Variants in ACSS3 observed in about 807,000 individuals in gnomAD.
The protein encoded by ACSS3 is acyl-CoA synthetase short-chain family member 3, mitochondrial.
A neutral mutation model predicts 84.2 loss-of-function variants in ACSS3; 64 were observed. The observed-to-expected ratio is 0.76, with a 90% CI of 0.62 to 0.94. ACSS3 has a LOEUF of 0.94. ACSS3 is among the 40% of genes least tolerant of loss of function. The probability of loss-of-function intolerance (pLI) is 0.00; values close to 1 mark genes in which losing one functional copy is unlikely to be tolerated. For synonymous variants in ACSS3, 317 were observed against 310.1 expected (o/e 1.02, Z -0.23); for missense variants, 815 against 867.6 (o/e 0.94, Z 0.76).
intron 7 of ACSS3, among the ~76,000 whole-genome samples, chr12:81,168,205 A>G (rs1887492350): frequency 1.3e-5 from 2 of 152,204 alleles, no homozygotes; most frequent in African/African-American, 4.8e-5. Context: ...TATCTTGTGG[A>G]ACAGAAAATG....
intron 1 of ACSS3, 94 bp downstream of exon 1, chr12:81,078,525 C>A: frequency 7.1e-7 from 1 of 1,400,696 alleles, no homozygotes; most frequent in Non-Finnish European, 9.8e-7. Context: ...CATTCTATCA[C>A]GAAAGAAAAT....
At chr12:81,243,714 C>A (rs933022936) in intron 13 of ACSS3, among the ~76,000 whole-genome samples, 44 of 152,260 alleles carry the variant, frequency 2.9e-4, no homozygotes, top group African/African-American at 1.1e-3. Context: ...CACATATCTA[C>A]AACTATCTGA....
intron 1 of ACSS3, among the ~76,000 whole-genome samples, chr12:81,101,052 T>C (rs1018286838): frequency 6.6e-6 from 1 of 152,226 alleles, no homozygotes; most frequent in Non-Finnish European, 1.5e-5. Flanking sequence ...CCAGTTATTA[T>C]TGACTTTTTA....
chr12:81,189,908 T>G (rs2031478797), intron 8 of ACSS3, among the ~76,000 whole-genome samples: 1 of 152,114 alleles, frequency 6.6e-6, no homozygotes, highest in Non-Finnish European at 1.5e-5. Context: ...ATCCATTTGA[T>G]CAATTTCGAT....
chr12:81,242,736 A>T, intron 13 of ACSS3, among the ~76,000 whole-genome samples: 1 of 136,360 alleles, frequency 7.3e-6, no homozygotes, highest in Non-Finnish European at 1.7e-5. Context: ...TCCAGCATAT[A>T]AACAGAACCA....
chr12:81,248,492 C>T (rs2034052984), intron 13 of ACSS3, among the ~76,000 whole-genome samples: 1 of 151,918 alleles, frequency 6.6e-6, no homozygotes, highest in Non-Finnish European at 1.5e-5. Context: ...TATATGGGAT[C>T]TGGGATAGTT....
intron 1 of ACSS3, among the ~76,000 whole-genome samples, chr12:81,100,039 G>C (rs928287461): frequency 2.0e-5 from 3 of 152,044 alleles, no homozygotes; most frequent in African/African-American, 7.2e-5. Context: ...GTCAAACATA[G>C]AATGGGTGAA....
intron 5 of ACSS3, among the ~76,000 whole-genome samples, chr12:81,144,697 T>G (rs1400995466): frequency 6.6e-6 from 1 of 152,158 alleles, no homozygotes; most frequent in East Asian, 1.9e-4. Flanking sequence ...ACATTTGTGC[T>G]ACCTCAAGAC....
chr12:81,164,671 T>G (rs1274194022), intron 7 of ACSS3, among the ~76,000 whole-genome samples: 4 of 152,206 alleles, frequency 2.6e-5, no homozygotes, highest in Non-Finnish European at 5.9e-5. Context: ...CATCCTATAC[T>G]GTATTTTTCA....
chr12:81,243,507 T>C (rs1418769709), intron 13 of ACSS3, among the ~76,000 whole-genome samples: 1 of 152,080 alleles, frequency 6.6e-6, no homozygotes, highest in Non-Finnish European at 1.5e-5. Flanking sequence ...TGGAAAAAAC[T>C]ACTTTAAAGT....
intron 1 of ACSS3, among the ~76,000 whole-genome samples, chr12:81,093,024 G>C (rs1269345349): frequency 1.3e-5 from 2 of 151,484 alleles, no homozygotes; most frequent in African/African-American, 4.9e-5. Flanking sequence ...GTTTTTTTTT[G>C]GGTGCAAGGT....
chr12:81,118,921 T>A (rs1350204148), intron 2 of ACSS3, among the ~76,000 whole-genome samples: 1 of 152,172 alleles, frequency 6.6e-6, no homozygotes, highest in African/African-American at 2.4e-5. Context: ...CAAAGCTTTG[T>A]GCATTTGTAG....
At chr12:81,094,025 A>G (rs1881851612) in intron 1 of ACSS3, among the ~76,000 whole-genome samples, 1 of 152,006 alleles carries the variant, frequency 6.6e-6, no homozygotes, top group Non-Finnish European at 1.5e-5. Flanking sequence ...TATTTAACAT[A>G]TTGGGTGAAT....
chr12:81,150,777 C>T (rs1334775382), intron 5 of ACSS3, among the ~76,000 whole-genome samples: 1 of 152,146 alleles, frequency 6.6e-6, no homozygotes, highest in Non-Finnish European at 1.5e-5. Flanking sequence ...ATTTCTGTTT[C>T]ATTTTCCTGA....
chr12:81,087,238 T>C (rs1293575222), intron 1 of ACSS3, among the ~76,000 whole-genome samples: 2 of 152,110 alleles, frequency 1.3e-5, no homozygotes, highest in Non-Finnish European at 2.9e-5. Context: ...CTGTAGGTCT[T>C]TGACTTATGA....
rs965886897 is a variant in ACSS3 at position 81,139,546 on chromosome 12, A to T, written c.780+281A>T. On this transcript the variant is annotated intron_variant, in intron 4 of 15. Coordinates refer to ENST00000548058, the MANE Select transcript of ACSS3 (RefSeq NM_024560.4). ...TATTAGCTCAGATTATATTAGCAAT[A>T]ATAATAACAAACACGAAGTGACTGC... Among the ~76,000 whole-genome samples, 10 of 150,210 alleles carry T rather than the reference A, an allele frequency of 6.7e-5. No homozygotes were observed. The South Asian group carries it at 2.1e-3, about 31-fold the overall frequency.
chr12:81,237,830 G>C (rs1404568048), intron 13 of ACSS3, among the ~76,000 whole-genome samples: 1 of 151,452 alleles, frequency 6.6e-6, no homozygotes, highest in Non-Finnish European at 1.5e-5. Context: ...TTCCTTTCTT[G>C]TCTTATTGCA....
chr12:81,212,411 C>T (rs1229244374), intron 9 of ACSS3, among the ~76,000 whole-genome samples: 1 of 152,218 alleles, frequency 6.6e-6, no homozygotes, highest in Non-Finnish European at 1.5e-5. Flanking sequence ...AGGGATTTTT[C>T]TTCCTCTACT....
intron 7 of ACSS3, among the ~76,000 whole-genome samples, chr12:81,160,725 T>A (rs1887108513): frequency 6.6e-6 from 1 of 152,210 alleles, no homozygotes. Context: ...TTTTCATAGT[T>A]AGGGAATGCT....
Sources: allele counts gnomAD v4.1 joint callset (sites outside exome capture counted in the v4.1 genomes callset), GRCh38; gene constraint gnomAD v4.1.1; transcripts MANE v1.5; gene names NCBI Gene and HGNC (gene_info 2026-07-23, HGNC 2026-07-21).